The following SPTB variants were observed in gnomAD, a reference collection of about 807,000 sequenced individuals.
SPTB encodes the protein spectrin beta chain, erythrocytic.
In SPTB, 45 loss-of-function variants were observed where a neutral mutation model predicts 256.2. The ratio of observed to expected loss-of-function variants is 0.18; its 90% confidence interval spans 0.14 to 0.23. The LOEUF (loss-of-function observed/expected upper bound fraction) is 0.23, where lower values mean the gene tolerates loss of function less well. Among genes scored for constraint, SPTB ranks in the 10% least tolerant of loss-of-function variants. The pLI, the probability that SPTB is intolerant of heterozygous loss-of-function variation, is 1.00. For missense variants in SPTB, 2,715 were observed against 3,040.4 expected (o/e 0.89, Z 2.52); for synonymous variants, 1,231 against 1,243.1 (o/e 0.99, Z 0.21).
chr14:64,808,335 T>C (rs12588973), intron 2 of SPTB, among the ~76,000 whole-genome samples: 2,928 of 152,206 alleles, frequency 0.019, 75 homozygotes, highest in African/African-American at 0.043. Flanking sequence ...TCTTTCCCTT[T>C]CCTTCCCGGG....
Position 64,792,942 on chromosome 14 carries a change from G to A in SPTB, c.2666+55C>T. On this transcript the variant is annotated intron_variant, in intron 14 of 35. Coordinates refer to ENST00000644917, the MANE Select transcript of SPTB (RefSeq NM_001355436.2). The surrounding 1 kb of genome is among the most constrained non-coding windows in gnomAD (Gnocchi z 4.2). ...GAGACTATTACCAAACTAGGTGGGA[G>A]ATGGTGCCCAGGCCTGGGTACAGGG... is the stretch of plus-strand genomic sequence containing the variant. The A allele has an allele frequency of 1.2e-6, 2 of 1,612,296 alleles. No homozygotes were observed. Among genetic ancestry groups the A allele is most frequent in the African/African-American group, 1.3e-5 (1 of 75,050 alleles).
At position 64,794,658 on chromosome 14, in the gene SPTB, A is replaced by T. The variant is rs778522130; in HGVS notation, c.1645-41T>A. The T allele has an allele frequency of 1.9e-6, 3 of 1,610,470 alleles. No homozygotes were observed. In the East Asian group the frequency reaches 6.7e-5, roughly 36 times the overall value. On this transcript the variant is annotated intron_variant, in intron 12 of 35. Coordinates refer to ENST00000644917, the MANE Select transcript of SPTB (RefSeq NM_001355436.2). ...GCAGAAAGGAAATGAGGAGAAGTGAAGAGACCTACACATTAGGAGAAGAGA... is the reference window on the plus strand; with the variant it reads ...GCAGAAAGGAAATGAGGAGAAGTGATGAGACCTACACATTAGGAGAAGAGA...
chr14:64,861,197 C>T (rs895960889), intron 1 of SPTB, among the ~76,000 whole-genome samples: 1 of 151,848 alleles, frequency 6.6e-6, no homozygotes, highest in Non-Finnish European at 1.5e-5. Flanking sequence ...CAGGGCCTAT[C>T]GGGGGTTGGG....
Position 64,775,070 on chromosome 14 carries a change from T to A in SPTB, c.4842+55A>T. On this transcript the variant is annotated intron_variant, in intron 23 of 35. Coordinates refer to ENST00000644917, the MANE Select transcript of SPTB (RefSeq NM_001355436.2). The surrounding 1 kb of genome is among the most constrained non-coding windows in gnomAD (Gnocchi z 5.0). ...CAAGGCTCCCTACCGACAGCCAACC[T>A]CAACTCTTCCTCTCTGCCTGGGCAC... 1.9e-6 allele frequency: 3 copies of A among 1,612,990 alleles called. No individual in the cohort carries two copies. The highest frequency in any genetic ancestry group is 1.1e-5 in the South Asian group (1 of 91,032).
rs1240040370 is a variant in SPTB, at chr14:64,802,701, T to C, written c.475-384A>G. 2.0e-5 allele frequency among the ~76,000 whole-genome samples: 3 copies of C among 152,220 alleles called. No individual in the cohort carries two copies. Among genetic ancestry groups the C allele is most frequent in the Non-Finnish European group, 4.4e-5 (3 of 68,032 alleles). ...ACACACAGAGGTAAAACAAATTTCT[T>C]GCCCTCAAGGAGTAGCCGCCAGCCC... On this transcript the variant is annotated intron_variant, in intron 4 of 35. Coordinates refer to ENST00000644917, the MANE Select transcript of SPTB (RefSeq NM_001355436.2). This position sits in a 1 kb window ranked among gnomAD's most constrained non-coding sequence, Gnocchi z 5.1.
At chr14:64,831,836 A>G (rs186734855) in intron 1 of SPTB, among the ~76,000 whole-genome samples, 327 of 152,380 alleles carry the variant, frequency 2.1e-3, no homozygotes, top group African/African-American at 7.7e-3. Context: ...AGTGCTGAAC[A>G]AAATACACAG....
At chr14:64,869,405 C>T (rs918771693) in intron 1 of SPTB, among the ~76,000 whole-genome samples, 2 of 152,084 alleles carry the variant, frequency 1.3e-5, no homozygotes, top group African/African-American at 4.8e-5. Flanking sequence ...ACCAACTGAG[C>T]TAACTGGCCA....
chr14:64,770,828 G>A (rs1422276824), intron 27 of SPTB, 57 bp downstream of exon 27: 1 of 1,612,396 alleles, frequency 6.2e-7, no homozygotes. Context: ...ACCCTGGTTG[G>A]CCGGGCTCCT....
intron 15 of SPTB, among the ~76,000 whole-genome samples, chr14:64,788,804 G>C (rs2082620180): frequency 1.3e-5 from 2 of 152,196 alleles, no homozygotes; most frequent in South Asian, 4.1e-4. Flanking sequence ...GGAGGAGGTT[G>C]ATAGAGCCAC....
intron 1 of SPTB, among the ~76,000 whole-genome samples, chr14:64,840,952 T>C (rs1234294309): frequency 6.6e-6 from 1 of 152,218 alleles, no homozygotes; most frequent in African/African-American, 2.4e-5. Flanking sequence ...CTCAAGGAGC[T>C]TATAGTCAGG....
At position 64,830,355 on chromosome 14, in the gene SPTB, ATTATTATTATTATTATTATTAT is replaced by A. The variant is rs1264995115; in HGVS notation, c.-51-7232_-51-7211del. On this transcript the variant is annotated intron_variant, in intron 1 of 35. Transcript: ENST00000644917. The stretch of plus-strand genomic sequence containing the variant: ...GAGTCTTATTATTATTATTATTATT[ATTATTATTATTATTATTATTAT>A]TATTTTATTTTATTTTTTGAGATGG... 2.3e-3 allele frequency among the ~76,000 whole-genome samples: 301 copies of A among 128,110 alleles called. 1 individual carries two copies. Among genetic ancestry groups the A allele is most frequent in the African/African-American group, 0.01 (291 of 28,380 alleles). 84.0% of individuals were successfully genotyped at this position (128,110 alleles called of 152,430 possible).
In SPTB at chr14:64,841,268, C is replaced by T. The variant is rs1321042917; in HGVS notation, c.-51-18123G>A. ...GTAAATGACAGAGCCAGGATTCAAACGCAGGCAGTCTGAGTCAGAGCCCCT... is the reference window on the plus strand; with the variant it reads ...GTAAATGACAGAGCCAGGATTCAAATGCAGGCAGTCTGAGTCAGAGCCCCT... On this transcript the variant is annotated intron_variant, in intron 1 of 35. Transcript: ENST00000644917. The surrounding 1 kb of genome is among the most constrained non-coding windows in gnomAD (Gnocchi z 4.6). 2.6e-5 allele frequency among the ~76,000 whole-genome samples: 4 copies of T among 152,178 alleles called. No individual in the cohort carries two copies. Among genetic ancestry groups the T allele is most frequent in the African/African-American group, 4.8e-5 (2 of 41,436 alleles).
At chr14:64,805,780 A>G (rs566979076) in intron 2 of SPTB, among the ~76,000 whole-genome samples, 89 of 152,200 alleles carry the variant, frequency 5.8e-4, no homozygotes, top group Non-Finnish European at 1.1e-3. Flanking sequence ...AGGTAAAACA[A>G]ATTTCCTGCC....
chr14:64,779,380 C>T lies in SPTB; in HGVS notation c.4474-134G>A. 2 of 792,534 alleles carry T rather than the reference C, an allele frequency of 2.5e-6. No homozygotes were observed. Among genetic ancestry groups the T allele is most frequent in the Admixed American group, 2.0e-5 (1 of 49,654 alleles). 49.1% of individuals were successfully genotyped at this position (792,534 alleles called of 1,614,324 possible). A position where few individuals can be genotyped will look rare whatever the true frequency, so the allele number is the denominator to read the frequency against. On this transcript the variant is annotated intron_variant, in intron 21 of 35. Coordinates refer to ENST00000644917, the MANE Select transcript of SPTB (RefSeq NM_001355436.2). The surrounding 1 kb of genome is among the most constrained non-coding windows in gnomAD (Gnocchi z 4.2). ...TCCCAACACCCCATCAGGGTTTTGCCCCCATTTTATAGGTTAGAATATTTG... is the reference window on the plus strand; with the variant it reads ...TCCCAACACCCCATCAGGGTTTTGCTCCCATTTTATAGGTTAGAATATTTG...
At chr14:64,870,932 G>T (rs1413445817) in intron 1 of SPTB, among the ~76,000 whole-genome samples, 1 of 152,120 alleles carries the variant, frequency 6.6e-6, no homozygotes, top group Non-Finnish European at 1.5e-5. Flanking sequence ...AGTGTTTAGT[G>T]GACACAGTGC....
At position 64,775,552 on chromosome 14, in the gene SPTB, A is replaced by G; in HGVS notation, c.4564-149T>C. ...GTGATGGCGATAAGAACTACCAATG[A>G]CCTCTTGCGGGCTGCTAAGCACCTC... On this transcript the variant is annotated intron_variant, in intron 22 of 35. Transcript: ENST00000644917. The surrounding 1 kb of genome is among the most constrained non-coding windows in gnomAD (Gnocchi z 5.0). 2 of 1,097,968 alleles carry G rather than the reference A, an allele frequency of 1.8e-6. No homozygotes were observed. Among genetic ancestry groups the G allele is most frequent in the Admixed American group, 5.6e-5 (2 of 35,778 alleles). The allele number at this position is 1,097,968 out of a possible 1,614,324, so 68.0% of individuals were successfully genotyped here.
rs913587448 is a variant in SPTB, at chr14:64,764,316, A to G, written c.6345+2410T>C. On this transcript the variant is annotated intron_variant, in intron 32 of 35. Transcript: ENST00000644917. The surrounding 1 kb of genome is among the most constrained non-coding windows in gnomAD (Gnocchi z 4.2). The stretch of plus-strand genomic sequence containing the variant: ...TTGCATCGAAGGTGGATGGGGTATT[A>G]GGCCCTCCCTCTGAGGTTCGTGGAT... Among the ~76,000 whole-genome samples the G allele has an allele frequency of 8.5e-5, 13 of 152,238 alleles. No individual in the cohort carries two copies. The highest frequency in any genetic ancestry group is 7.2e-4 in the Admixed American group (11 of 15,288).
Position 64,793,427 on chromosome 14 carries a change from A to C in SPTB, c.2236T>G (p.Phe746Val). Residue 746 changes from phenylalanine (F) to valine (V), a missense_variant, in exon 14 of 36, where the codon TTC (phenylalanine) becomes GTC (valine). Around this residue, in one of 4 missense-constraint regions of SPTB, gnomAD observed 2,239 missense variants for 2,384.4 expected, o/e 0.94. Coordinates refer to ENST00000644917, the MANE Select transcript of SPTB (RefSeq NM_001355436.2). The surrounding 1 kb of genome is among the most constrained non-coding windows in gnomAD (Gnocchi z 7.0). ...TCATCCGCATCGCCCTGGAACTGGA[A>C]AAAGTTCTCAGCATCCTGGAGGTTC... ...KKNLQDAENFFQFQGDADDLK... is the reference protein window; with the variant it reads ...KKNLQDAENFVQFQGDADDLK... The C allele has an allele frequency of 6.2e-7, 1 of 1,613,918 alleles. No homozygotes were observed. Among genetic ancestry groups the C allele is most frequent in the Non-Finnish European group, 8.5e-7 (1 of 1,180,034 alleles).
chr14:64,828,479 G>GATGATACTCATATACATATATAC (rs2083405956), intron 1 of SPTB, among the ~76,000 whole-genome samples: 1 of 152,210 alleles, frequency 6.6e-6, no homozygotes, highest in South Asian at 2.1e-4. Flanking sequence ...ACCATTAAAG[G>GATGATACTCATATACATATATAC]AGAGGGGAGA....
Sources: allele counts gnomAD v4.1 joint callset (sites outside exome capture counted in the v4.1 genomes callset), GRCh38; gene constraint gnomAD v4.1.1; regional missense constraint gnomAD v4.1.1; non-coding constraint Gnocchi (gnomAD v3.1); transcripts MANE v1.5; gene names NCBI Gene and HGNC (gene_info 2026-07-23, HGNC 2026-07-21).